Variants in USP13 observed in about 807,000 individuals in gnomAD.
The protein encoded by USP13 is ubiquitin specific peptidase 13, also known as ubiquitin carboxyl-terminal hydrolase 13.
In USP13, 68 loss-of-function variants were observed where a neutral mutation model predicts 107.8. That is an observed-to-expected ratio of 0.63 (90% confidence interval 0.52 to 0.77). The LOEUF is 0.77. Among genes scored for constraint, USP13 ranks in the 30% least tolerant of loss-of-function variants. USP13 has a pLI of 0.00. For synonymous variants in USP13, 377 were observed against 389.5 expected (o/e 0.97, Z 0.38); for missense variants, 945 against 1,093.3 (o/e 0.86, Z 1.91).
intron 3 of USP13, among the ~76,000 whole-genome samples, chr3:179,700,443 C>T (rs911454430): frequency 1.3e-5 from 2 of 152,184 alleles, no homozygotes. Flanking sequence ...GAGATACATG[C>T]TATTATCTTC....
chr3:179,701,185 T>C, intron 4 of USP13, 56 bp downstream of exon 4: 1 of 1,096,446 alleles, frequency 9.1e-7, no homozygotes, highest in Non-Finnish European at 1.2e-6. Flanking sequence ...GTCAGGTGTG[T>C]GTGCGTGTGC....
chr3:179,751,487 A>G (rs1176696902), intron 13 of USP13, among the ~76,000 whole-genome samples: 13 of 152,182 alleles, frequency 8.5e-5, no homozygotes, highest in Non-Finnish European at 1.5e-4. Context: ...ACTCTGCGCT[A>G]TAAGACAGTG....
At chr3:179,708,443 G>C (rs1019536150) in intron 5 of USP13, among the ~76,000 whole-genome samples, 2 of 14,206 alleles carry the variant, frequency 1.4e-4, no homozygotes, top group African/African-American at 3.3e-4. Context: ...GAGTAGCTGG[G>C]ATTTGGGATT....
chr3:179,764,783 A>G (rs918621836), intron 18 of USP13, among the ~76,000 whole-genome samples: 1 of 152,074 alleles, frequency 6.6e-6, no homozygotes, highest in Non-Finnish European at 1.5e-5. Flanking sequence ...AACAAAACCC[A>G]TCCTTCCTGG....
At chr3:179,779,140 T>C (rs1210214354) in intron 19 of USP13, among the ~76,000 whole-genome samples, 2 of 151,688 alleles carry the variant, frequency 1.3e-5, no homozygotes, top group Non-Finnish European at 2.9e-5. Context: ...GAGGATTTCA[T>C]AGGCCACTGC....
At chr3:179,745,379 A>T (rs1055613428) in intron 13 of USP13, among the ~76,000 whole-genome samples, 162 bp downstream of exon 13, 1 of 152,136 alleles carries the variant, frequency 6.6e-6, no homozygotes, top group Non-Finnish European at 1.5e-5. Context: ...GTCAAACTTC[A>T]CTTGTGTGAG....
intron 3 of USP13, among the ~76,000 whole-genome samples, chr3:179,695,991 G>A (rs1712309830): frequency 6.6e-6 from 1 of 152,164 alleles, no homozygotes; most frequent in South Asian, 2.1e-4. Context: ...TAAACACAGT[G>A]TAGTTTTACT....
chr3:179,708,967 C>T lies in USP13; in HGVS notation c.805+10C>T, dbSNP rs41265415. The stretch of plus-strand genomic sequence containing the variant: ...ACTCCTGACGGGGCAGGTGAGTGCG[C>T]CTTTACCGACTTTGGGAACATGCAG... On this transcript the variant is annotated intron_variant, in intron 6 of 20. Coordinates refer to ENST00000263966, the MANE Select transcript of USP13 (RefSeq NM_003940.3). The T allele has an allele frequency of 8.7e-6, 14 of 1,610,706 alleles. No individual in the cohort carries two copies. The African/African-American group carries it at 1.5e-4, about 17-fold the overall frequency.
At chr3:179,772,605 T>G (rs1715374565) in intron 19 of USP13, among the ~76,000 whole-genome samples, 1 of 152,220 alleles carries the variant, frequency 6.6e-6, no homozygotes, top group Non-Finnish European at 1.5e-5. Context: ...GAAAGTCACA[T>G]AGACACTTCA....
chr3:179,722,900 C>T (rs866042116), intron 8 of USP13, among the ~76,000 whole-genome samples: 1 of 152,188 alleles, frequency 6.6e-6, no homozygotes, highest in African/African-American at 2.4e-5. Flanking sequence ...GACTGCCTTC[C>T]TCCTCCTACA....
intron 8 of USP13, among the ~76,000 whole-genome samples, chr3:179,724,796 A>G (rs1320609589): frequency 1.3e-5 from 2 of 152,358 alleles, no homozygotes; most frequent in Non-Finnish European, 2.9e-5. Context: ...TCTGCATTTT[A>G]ATTTAATTTT....
In USP13 at chr3:179,785,323, T is replaced by C. The variant is rs1170665341; in HGVS notation, c.*1182T>C. The C allele has an allele frequency of 6.6e-6, 1 of 152,188 alleles. No homozygotes were observed. Among genetic ancestry groups the C allele is most frequent in the Non-Finnish European group, 1.5e-5 (1 of 68,026 alleles). 9.4% of individuals were successfully genotyped at this position (152,188 alleles called of 1,614,324 possible). On this transcript the variant is annotated 3_prime_UTR_variant, in exon 21 of 21. Coordinates refer to ENST00000263966, the MANE Select transcript of USP13 (RefSeq NM_003940.3). ...GTCTGATGTGACCAACAGTGTGATC[T>C]TGGACACACTAAGGATTTTAGATGC...
intron 6 of USP13, among the ~76,000 whole-genome samples, chr3:179,710,619 A>G (rs561281693): frequency 9.2e-5 from 14 of 152,344 alleles, no homozygotes; most frequent in Non-Finnish European, 1.8e-4. Context: ...CAACTGGTAT[A>G]TAAGCATTTA....
intron 6 of USP13, among the ~76,000 whole-genome samples, chr3:179,713,584 T>G (rs1713003403): frequency 6.6e-6 from 1 of 152,162 alleles, no homozygotes; most frequent in Non-Finnish European, 1.5e-5. Flanking sequence ...CCACACTCGC[T>G]GGGCTCACTC....
chr3:179,715,372 T>C (rs61306946), intron 6 of USP13, among the ~76,000 whole-genome samples: 28,041 of 149,410 alleles, frequency 0.19, 2,781 homozygotes, highest in Admixed American at 0.25. Flanking sequence ...TCTTTCTTTT[T>C]TTTTTTTTTT....
chr3:179,752,630 A>G (rs978361460), intron 14 of USP13, among the ~76,000 whole-genome samples: 1 of 152,258 alleles, frequency 6.6e-6, no homozygotes, highest in African/African-American at 2.4e-5. Context: ...TTGTCAAATA[A>G]ACAGTGCTTT....
intron 6 of USP13, among the ~76,000 whole-genome samples, chr3:179,712,829 G>C (rs1174765520): frequency 6.6e-6 from 1 of 151,856 alleles, no homozygotes; most frequent in Non-Finnish European, 1.5e-5. Context: ...GTGTATGACA[G>C]TACCCATTTC....
chr3:179,753,611 C>A (rs1000014533), intron 14 of USP13, among the ~76,000 whole-genome samples: 2 of 152,138 alleles, frequency 1.3e-5, no homozygotes, highest in African/African-American at 2.4e-5. Flanking sequence ...TCTTAAGGAG[C>A]AGTTGTATTG....
intron 19 of USP13, among the ~76,000 whole-genome samples, chr3:179,777,930 G>A (rs1715605180): frequency 6.6e-6 from 1 of 152,170 alleles, no homozygotes; most frequent in African/African-American, 2.4e-5. Flanking sequence ...TGCTTACATA[G>A]GGAGGTAAAG....
Sources: gnomAD v4.1 joint callset for allele counts (sites outside exome capture counted in the v4.1 genomes callset) on GRCh38, gnomAD v4.1.1 for gene constraint, MANE v1.5 for transcripts, NCBI Gene and HGNC (gene_info 2026-07-23, HGNC 2026-07-21) for gene names.